GALNT13: variants seen among roughly 807,000 people sequenced by gnomAD.
GALNT13 encodes the protein UDP-GalNAc:polypeptide N-acetylgalactosaminyltransferase 13.
Under a neutral mutation model 64.2 loss-of-function variants are expected in GALNT13, and 28 were observed. The observed-to-expected ratio is 0.44, with a 90% CI of 0.32 to 0.60. GALNT13 has a LOEUF of 0.60. Among genes scored for constraint, GALNT13 ranks in the 20% least tolerant of loss-of-function variants. The probability of loss-of-function intolerance (pLI) is 0.05; values close to 1 mark genes in which losing one functional copy is unlikely to be tolerated. For missense variants in GALNT13, 577 were observed against 669.8 expected (o/e 0.86, Z 1.53); for synonymous variants, 214 against 224.6 (o/e 0.95, Z 0.42).
intron 12 of GALNT13, chr2:154,446,895 T>C (rs1478970611): frequency 1.1e-6 from 1 of 886,478 alleles, no homozygotes; most frequent in African/African-American, 1.7e-5. Flanking sequence ...GTTAACTCTC[T>C]GTCTTTTACT....
the GALNT13 span, among the ~76,000 whole-genome samples, chr2:153,764,242 C>T: frequency 2.0e-5 from 3 of 151,886 alleles, no homozygotes; most frequent in Non-Finnish European, 4.4e-5. Context: ...GCAAATCATT[C>T]AAAAAAAGCA....
the GALNT13 span, among the ~76,000 whole-genome samples, chr2:153,809,142 C>A: frequency 6.6e-6 from 1 of 152,174 alleles, no homozygotes; most frequent in Non-Finnish European, 1.5e-5. Context: ...AAAATCTATT[C>A]TTGCTTCACT....
chr2:153,478,617 C>A, the GALNT13 span: 1 of 1,423,436 alleles, frequency 7.0e-7, no homozygotes, highest in East Asian at 2.4e-5. Context: ...GGTGGGAAGG[C>A]GGCGGCGCTG....
the GALNT13 span, among the ~76,000 whole-genome samples, chr2:153,566,543 A>G: frequency 2.6e-5 from 4 of 152,008 alleles, no homozygotes; most frequent in South Asian, 8.3e-4. Context: ...TTTAGTAGAG[A>G]TGGGGTTTCA....
chr2:153,745,492 T>C, the GALNT13 span, among the ~76,000 whole-genome samples: 6 of 152,150 alleles, frequency 3.9e-5, no homozygotes, highest in Admixed American at 1.3e-4. Flanking sequence ...CTGAGGTTCC[T>C]TTTGAGGTTT....
At chr2:153,524,884 G>A in the GALNT13 span, among the ~76,000 whole-genome samples, 3 of 152,160 alleles carry the variant, frequency 2.0e-5, no homozygotes, top group Non-Finnish European at 2.9e-5. Context: ...AGGACTGGGG[G>A]AGGCACGTGA....
At chr2:153,476,328 A>G in the GALNT13 span, among the ~76,000 whole-genome samples, 1 of 152,102 alleles carries the variant, frequency 6.6e-6, no homozygotes, top group Admixed American at 6.5e-5. Flanking sequence ...TTATTATTTG[A>G]TTTTAGTTAC....
chr2:153,786,307 C>G, the GALNT13 span, among the ~76,000 whole-genome samples: 2 of 152,006 alleles, frequency 1.3e-5, no homozygotes, highest in African/African-American at 4.8e-5. Context: ...TGCGTAGTCA[C>G]TACGCTGACA....
At chr2:153,630,170 G>A in the GALNT13 span, among the ~76,000 whole-genome samples, 10 of 151,720 alleles carry the variant, frequency 6.6e-5, no homozygotes, top group Non-Finnish European at 1.3e-4. Flanking sequence ...AGGATTATAA[G>A]TCATGCTGCT....
chr2:153,536,902 A>G, the GALNT13 span, among the ~76,000 whole-genome samples: 3 of 152,250 alleles, frequency 2.0e-5, no homozygotes, highest in Non-Finnish European at 2.9e-5. Context: ...ATAGAAATGA[A>G]TGCATATTTA....
intron 2 of GALNT13, among the ~76,000 whole-genome samples, chr2:153,921,387 T>G (rs7562430): frequency 0.72 from 109,186 of 152,060 alleles, 39,527 homozygotes; most frequent in East Asian, 0.96. Context: ...AATACTGCAT[T>G]CTCTCATTTG....
chr2:154,001,284 T>G (rs1364425092), intron 3 of GALNT13, among the ~76,000 whole-genome samples: 1 of 152,006 alleles, frequency 6.6e-6, no homozygotes, highest in Non-Finnish European at 1.5e-5. Flanking sequence ...TCATTTATAT[T>G]CAAAGTTATT....
At chr2:153,867,003 C>G (rs1685778856), upstream of GALNT13, among the ~76,000 whole-genome samples, 1 of 152,240 alleles carries the variant, frequency 6.6e-6, no homozygotes, top group South Asian at 2.1e-4. Flanking sequence ...TTTATCAAAT[C>G]TATTCAACAT....
At chr2:153,558,601 A>G in the GALNT13 span, among the ~76,000 whole-genome samples, 1 of 151,506 alleles carries the variant, frequency 6.6e-6, no homozygotes, top group Non-Finnish European at 1.5e-5. Context: ...GTCCTTATGT[A>G]GTGCTTTTTT....
intron 2 of GALNT13, among the ~76,000 whole-genome samples, chr2:153,903,789 G>A (rs1688387281): frequency 6.6e-6 from 1 of 151,616 alleles, no homozygotes; most frequent in South Asian, 2.1e-4. Flanking sequence ...TTTTTGCTTT[G>A]AATTTTTACG....
At chr2:154,115,069 G>A (rs1703208189) in intron 3 of GALNT13, among the ~76,000 whole-genome samples, 1 of 152,102 alleles carries the variant, frequency 6.6e-6, no homozygotes, top group Non-Finnish European at 1.5e-5. Flanking sequence ...ATTTCACAAG[G>A]CATTGGTCAA....
the GALNT13 span, among the ~76,000 whole-genome samples, chr2:153,293,270 A>G: frequency 6.6e-6 from 1 of 152,138 alleles, no homozygotes; most frequent in African/African-American, 2.4e-5. Context: ...TAAGGACCTC[A>G]AGATTGAGAG....
intron 3 of GALNT13, among the ~76,000 whole-genome samples, chr2:153,958,877 G>A (rs149965001): frequency 8.1e-4 from 124 of 152,278 alleles, no homozygotes; most frequent in Middle Eastern, 6.8e-3. Flanking sequence ...CTGAATTGCA[G>A]GAGAATTTAC....
At chr2:153,445,517 A>G in the GALNT13 span, among the ~76,000 whole-genome samples, 1 of 152,012 alleles carries the variant, frequency 6.6e-6, no homozygotes, top group African/African-American at 2.4e-5. Flanking sequence ...AGCTGGGACT[A>G]GAGGTGCATG....
Sources: allele counts gnomAD v4.1 joint callset (sites outside exome capture counted in the v4.1 genomes callset), GRCh38; gene constraint gnomAD v4.1.1; transcripts MANE v1.5; gene names NCBI Gene and HGNC (gene_info 2026-07-23, HGNC 2026-07-21).